The following DAB2IP variants were observed in gnomAD, a reference collection of about 807,000 sequenced individuals.
DAB2IP encodes disabled homolog 2-interacting protein.
A neutral mutation model predicts 107.2 loss-of-function variants in DAB2IP; 28 were observed. The observed-to-expected ratio is 0.26, with a 90% CI of 0.19 to 0.36. The LOEUF (loss-of-function observed/expected upper bound fraction) is 0.36, where lower values mean the gene tolerates loss of function less well. Among genes scored for constraint, DAB2IP ranks in the 10% least tolerant of loss-of-function variants. DAB2IP has a pLI of 1.00. For synonymous variants in DAB2IP, 755 were observed against 706.4 expected, an observed-to-expected ratio of 1.07 and a Z score of -1.09; for missense variants, 1,400 against 1,644.7, an observed-to-expected ratio of 0.85 and a Z score of 2.57.
chr9:121,734,881 G>A (rs538461527), intron 3 of DAB2IP, among the ~76,000 whole-genome samples: 19 of 152,320 alleles, frequency 1.2e-4, no homozygotes, highest in African/African-American at 4.6e-4. Flanking sequence ...TGCCTTGCCT[G>A]TTTGTTGCCA....
In DAB2IP at chr9:121,781,559, C is replaced by T; in HGVS notation, c.3402+8C>T. 3.1e-6 allele frequency: 5 copies of T among 1,613,376 alleles called. No individual in the cohort carries two copies. In the African/African-American group the frequency reaches 4.0e-5, roughly 13 times the overall value. Reference sequence around the variant, plus strand: ...AAGATCATTGATGCCCAGGTGGGGGCTCCGGCCCTTTGGTCAGCCACAAGA... The same window carrying T: ...AAGATCATTGATGCCCAGGTGGGGGTTCCGGCCCTTTGGTCAGCCACAAGA... On this transcript the variant is annotated splice_region_variant and intron_variant, in intron 15 of 15. Coordinates refer to ENST00000408936, the Ensembl canonical transcript of DAB2IP.
intron 1 of DAB2IP, among the ~76,000 whole-genome samples, chr9:121,639,610 A>G (rs1197018503): frequency 6.6e-6 from 1 of 152,146 alleles, no homozygotes; most frequent in African/African-American, 2.4e-5. Flanking sequence ...TGGGGGCCTC[A>G]CTGTGGGTCA....
Position 121,576,783 on chromosome 9 carries a change from C to T in DAB2IP, c.40+9555C>T, listed in dbSNP as rs573072833. ...GGGGGAGGGGAAACGATGTTCTGGG[C>T]TTGCTGTGTCTGAAGGGCCTGCAGG... is the stretch of plus-strand genomic sequence containing the variant. On this transcript the variant is annotated intron_variant, in intron 1 of 16. Transcript: ENST00000259371. Among the ~76,000 whole-genome samples, 125 of 152,258 alleles carry T rather than the reference C, an allele frequency of 8.2e-4. 1 individual carries two copies. Among genetic ancestry groups the T allele is most frequent in the African/African-American group, 2.8e-3 (118 of 41,546 alleles).
At chr9:121,584,157 G>A (rs756188212) in intron 1 of DAB2IP, among the ~76,000 whole-genome samples, 10 of 152,144 alleles carry the variant, frequency 6.6e-5, no homozygotes, top group Admixed American at 2.0e-4. Context: ...CAGCCTGGGC[G>A]ACGGAGTGAG....
chr9:121,660,641 C>T (rs181709852), intron 1 of DAB2IP, among the ~76,000 whole-genome samples: 6 of 152,260 alleles, frequency 3.9e-5, no homozygotes, highest in African/African-American at 7.2e-5. Flanking sequence ...CCCTGGCCTG[C>T]GGTGAAATGA....
At chr9:121,757,044 C>G (rs138827521) in exon 4 of DAB2IP, 2 of 1,614,188 alleles carry the variant, frequency 1.2e-6, no homozygotes, top group Non-Finnish European at 1.7e-6. Flanking sequence ...GAAGGAGTCT[C>G]GCTCCCACGA....
intron 3 of DAB2IP, among the ~76,000 whole-genome samples, chr9:121,703,782 T>A (rs898380528): frequency 6.6e-6 from 1 of 152,246 alleles, no homozygotes; most frequent in Non-Finnish European, 1.5e-5. Flanking sequence ...CTCGTCTTGG[T>A]AAGCCTCAGT....
intron 2 of DAB2IP, among the ~76,000 whole-genome samples, chr9:121,691,180 G>A (rs971090523): frequency 9.8e-5 from 15 of 152,322 alleles, no homozygotes; most frequent in African/African-American, 2.6e-4. Flanking sequence ...CCTGCCAGGC[G>A]TCCAGCACTG....
intron 1 of DAB2IP, among the ~76,000 whole-genome samples, chr9:121,672,037 G>A (rs1210712395): frequency 6.6e-6 from 1 of 152,244 alleles, no homozygotes; most frequent in Non-Finnish European, 1.5e-5. Context: ...TCCATCAGCA[G>A]TGATGAAAGT....
exon 16 of DAB2IP, chr9:121,783,340 A>G (rs1588028407): frequency 6.9e-7 from 1 of 1,448,714 alleles, no homozygotes; most frequent in Non-Finnish European, 9.1e-7. Flanking sequence ...GGATCTGGCC[A>G]GATGGCTCTG....
At chr9:121,651,578 C>T, upstream of DAB2IP, 2 of 895,662 alleles carry the variant, frequency 2.2e-6, no homozygotes, top group Non-Finnish European at 2.7e-6. This position sits in a 1 kb window ranked among gnomAD's most constrained non-coding sequence, Gnocchi z 5.1. Context: ...GCCCCCGCCG[C>T]GGGGCCGGCT....
chr9:121,683,493 G>A (rs1490446287), intron 2 of DAB2IP, among the ~76,000 whole-genome samples: 2 of 152,230 alleles, frequency 1.3e-5, no homozygotes, highest in African/African-American at 4.8e-5. Context: ...TCCTCCTCGG[G>A]AAGTTGAAAG....
At chr9:121,778,026 A>G (rs1262698400) in intron 14 of DAB2IP, among the ~76,000 whole-genome samples, 4 of 152,172 alleles carry the variant, frequency 2.6e-5, no homozygotes, top group African/African-American at 9.7e-5. Flanking sequence ...TCAGGCTGCT[A>G]TAACAAGGTA....
upstream of DAB2IP, among the ~76,000 whole-genome samples, chr9:121,649,514 G>A (rs146802512): frequency 1.3e-4 from 13 of 102,858 alleles, 2 homozygotes; most frequent in African/African-American, 3.5e-4. Flanking sequence ...GGGAGGGCTG[G>A]AACCTGGCTG....
chr9:121,596,689 A>C (rs751938257), intron 1 of DAB2IP, among the ~76,000 whole-genome samples: 1 of 150,972 alleles, frequency 6.6e-6, no homozygotes, highest in Non-Finnish European at 1.5e-5. Context: ...TTCCTCTGAT[A>C]GGGATGGAGG....
intron 1 of DAB2IP, among the ~76,000 whole-genome samples, chr9:121,572,741 T>A (rs1829975186): frequency 6.6e-6 from 1 of 151,852 alleles, no homozygotes. Flanking sequence ...CAAAACAGTG[T>A]GAGGCTGGAC....
intron 1 of DAB2IP, among the ~76,000 whole-genome samples, chr9:121,591,881 G>A (rs1244392716): frequency 6.6e-6 from 1 of 152,218 alleles, no homozygotes; most frequent in African/African-American, 2.4e-5. Context: ...GGAGTCAGAT[G>A]AGGTAGCCAA....
At chr9:121,750,687 C>G (rs907424162) in intron 3 of DAB2IP, among the ~76,000 whole-genome samples, 22 of 152,226 alleles carry the variant, frequency 1.4e-4, no homozygotes, top group African/African-American at 5.1e-4. Context: ...TGGGAACACC[C>G]TTGCTGTGTC....
chr9:121,703,255 A>G (rs1829877317), intron 3 of DAB2IP, among the ~76,000 whole-genome samples: 1 of 152,168 alleles, frequency 6.6e-6, no homozygotes, highest in Non-Finnish European at 1.5e-5. Flanking sequence ...AAGGTTGATG[A>G]GGAACAGGGG....
Sources: allele counts gnomAD v4.1 joint callset (sites outside exome capture counted in the v4.1 genomes callset), GRCh38; gene constraint gnomAD v4.1.1; non-coding constraint Gnocchi (gnomAD v3.1); transcripts MANE v1.5; gene names NCBI Gene and HGNC (gene_info 2026-07-23, HGNC 2026-07-21).